Variants in TPRG1 observed in about 807,000 individuals in gnomAD.
TPRG1 encodes the protein tumor protein p63 regulated 1.
A neutral mutation model predicts 29.3 loss-of-function variants in TPRG1; 29 were observed. The ratio of observed to expected loss-of-function variants is 0.99; its 90% CI spans 0.74 to 1.35. TPRG1 has a LOEUF of 1.35. Among genes scored for constraint, TPRG1 ranks in the 40% most tolerant of loss-of-function variants. TPRG1 has a pLI of 0.00. For missense variants in TPRG1, 327 were observed against 335.0 expected, an observed-to-expected ratio of 0.98 and a Z score of 0.19; for synonymous variants, 130 against 116.8, an observed-to-expected ratio of 1.11 and a Z score of -0.73.
At chr3:189,103,082 T>A (rs942077531) in intron 1 of TPRG1, among the ~76,000 whole-genome samples, 1 of 152,206 alleles carries the variant, frequency 6.6e-6, no homozygotes, top group Non-Finnish European at 1.5e-5. Context: ...CAATTAACTC[T>A]CCACATCATG....
At chr3:189,022,632 C>T (rs1184997379) in intron 3 of TPRG1, among the ~76,000 whole-genome samples, 1 of 152,172 alleles carries the variant, frequency 6.6e-6, no homozygotes, top group Non-Finnish European at 1.5e-5. Flanking sequence ...CTGCTCTCTT[C>T]AAAGCTGTCA....
intron 3 of TPRG1, among the ~76,000 whole-genome samples, chr3:189,223,703 T>G (rs1737269732): frequency 6.6e-6 from 1 of 152,224 alleles, no homozygotes; most frequent in Admixed American, 6.5e-5. Flanking sequence ...CTGGCCATGG[T>G]TGTACAAATC....
intron 1 of TPRG1, among the ~76,000 whole-genome samples, chr3:189,112,198 T>TA (rs1196137155): frequency 6.6e-6 from 1 of 152,178 alleles, no homozygotes; most frequent in Non-Finnish European, 1.5e-5. Context: ...TGAATTTTAT[T>TA]TGCTAGTACT....
chr3:189,294,889 C>T (rs576788012), intron 4 of TPRG1, among the ~76,000 whole-genome samples: 1 of 152,110 alleles, frequency 6.6e-6, no homozygotes, highest in African/African-American at 2.4e-5. Context: ...TTCTAGGGTG[C>T]ATGTGCACAA....
intron 4 of TPRG1, among the ~76,000 whole-genome samples, chr3:189,299,066 TTTCTG>T (rs1034406891): frequency 4.4e-5 from 2 of 45,890 alleles, no homozygotes; most frequent in African/African-American, 5.7e-4. Context: ...GTTTTTTTTT[TTTCTG>T]AGAATTTTTT....
chr3:189,113,032 T>C (rs1284724672), intron 1 of TPRG1, among the ~76,000 whole-genome samples: 1 of 152,224 alleles, frequency 6.6e-6, no homozygotes, highest in Non-Finnish European at 1.5e-5. Context: ...TCCATTTGTT[T>C]GTATCCTCTT....
chr3:189,145,764 G>A (rs889067536), intron 3 of TPRG1, among the ~76,000 whole-genome samples: 1 of 152,190 alleles, frequency 6.6e-6, no homozygotes, highest in Non-Finnish European at 1.5e-5. Context: ...GAACTTAAAA[G>A]ATATGCGTGG....
intron 4 of TPRG1, among the ~76,000 whole-genome samples, chr3:189,069,468 C>T (rs10084750): frequency 0.036 from 5,454 of 151,932 alleles, 320 homozygotes; most frequent in African/African-American, 0.13. Flanking sequence ...TGATATTGTA[C>T]GATAGATAGT....
At chr3:189,072,149 A>G (rs1716846965) in intron 4 of TPRG1, among the ~76,000 whole-genome samples, 1 of 152,196 alleles carries the variant, frequency 6.6e-6, no homozygotes, top group Non-Finnish European at 1.5e-5. Flanking sequence ...AGGCATAATA[A>G]ATGGGCCCAT....
chr3:189,150,247 A>G (rs768973931), intron 4 of TPRG1, among the ~76,000 whole-genome samples: 6 of 152,158 alleles, frequency 3.9e-5, no homozygotes, highest in Non-Finnish European at 8.8e-5. Context: ...CAGTGGCACG[A>G]TCTTGGCTCA....
chr3:189,288,956 A>C (rs1255047914), intron 4 of TPRG1, among the ~76,000 whole-genome samples: 2 of 152,214 alleles, frequency 1.3e-5, no homozygotes, highest in Non-Finnish European at 2.9e-5. Context: ...TTTCCTCCCC[A>C]AAAGCATTTA....
At chr3:189,292,396 C>T (rs1719168429) in intron 4 of TPRG1, among the ~76,000 whole-genome samples, 1 of 151,070 alleles carries the variant, frequency 6.6e-6, no homozygotes, top group African/African-American at 2.4e-5. Flanking sequence ...AACAGTACCA[C>T]CCTTTGGAGC....
chr3:189,291,519 C>A (rs139202687), intron 4 of TPRG1, among the ~76,000 whole-genome samples: 234 of 152,256 alleles, frequency 1.5e-3, no homozygotes, highest in African/African-American at 5.3e-3. Flanking sequence ...TCATTATTAT[C>A]ATCACTGTTA....
chr3:189,082,863 A>T (rs1717691876), intron 4 of TPRG1, among the ~76,000 whole-genome samples: 1 of 152,200 alleles, frequency 6.6e-6, no homozygotes, highest in Non-Finnish European at 1.5e-5. Flanking sequence ...TGCACACTCA[A>T]GAACGTACAT....
chr3:189,139,715 C>T (rs770362390), intron 3 of TPRG1, among the ~76,000 whole-genome samples: 1 of 149,154 alleles, frequency 6.7e-6, no homozygotes, highest in Admixed American at 6.7e-5. Flanking sequence ...TCCCCCACAT[C>T]TCGCTAACTT....
chr3:189,040,356 A>T (rs1207573020), intron 4 of TPRG1, among the ~76,000 whole-genome samples: 1 of 152,222 alleles, frequency 6.6e-6, no homozygotes, highest in Non-Finnish European at 1.5e-5. Context: ...TCCCAGAGGT[A>T]TACATGATGG....
At chr3:189,177,389 T>TATATGTATGTATGTATACGC (rs1291118985) in intron 1 of TPRG1, among the ~76,000 whole-genome samples, 4 of 151,926 alleles carry the variant, frequency 2.6e-5, no homozygotes, top group Non-Finnish European at 5.9e-5. Context: ...ATGGGAATCA[T>TATATGTATGTATGTATACGC]ATATGTATGT....
intron 3 of TPRG1, among the ~76,000 whole-genome samples, chr3:189,226,913 A>C (rs994716037): frequency 2.0e-5 from 3 of 152,048 alleles, no homozygotes; most frequent in African/African-American, 7.2e-5. Flanking sequence ...AAGAGACAAT[A>C]AGGGATTATA....
chr3:189,066,793 A>G (rs1716481559), intron 4 of TPRG1, among the ~76,000 whole-genome samples: 1 of 152,142 alleles, frequency 6.6e-6, no homozygotes, highest in African/African-American at 2.4e-5. Context: ...CAGTTATTCA[A>G]CATAGCACTG....
Sources: gnomAD v4.1 joint callset for allele counts (sites outside exome capture counted in the v4.1 genomes callset) on GRCh38, gnomAD v4.1.1 for gene constraint, MANE v1.5 for transcripts, NCBI Gene and HGNC (gene_info 2026-07-23, HGNC 2026-07-21) for gene names.